Variants in MGAT5 observed in about 807,000 individuals in gnomAD.
The protein encoded by MGAT5 is alpha-1,6-mannosylglycoprotein 6-beta-N-acetylglucosaminyltransferase, also known as alpha-1,6-mannosylglycoprotein 6-beta-N-acetylglucosaminyltransferase A.
Under a neutral mutation model 94.3 loss-of-function variants are expected in MGAT5, and 30 were observed. That is an observed-to-expected ratio of 0.32 (90% CI 0.24 to 0.43). The LOEUF is 0.43. Among genes scored for constraint, MGAT5 ranks in the 20% least tolerant of loss-of-function variants. MGAT5 has a pLI of 1.00. For synonymous variants in MGAT5, 310 were observed against 322.9 expected (o/e 0.96, Z 0.43); for missense variants, 691 against 905.5 (o/e 0.76, Z 3.04).
chr2:134,294,401 G>T (rs1173558145), intron 2 of MGAT5, among the ~76,000 whole-genome samples: 1 of 152,028 alleles, frequency 6.6e-6, no homozygotes, highest in Admixed American at 6.5e-5. Context: ...CTAAGTATTC[G>T]GGGTATGATG....
intron 10 of MGAT5, among the ~76,000 whole-genome samples, chr2:134,373,329 G>C (rs1457463812): frequency 6.6e-6 from 1 of 152,186 alleles, no homozygotes; most frequent in African/African-American, 2.4e-5. Context: ...GAGGACCTGT[G>C]TGGAAGGCTG....
At chr2:134,130,706 G>A (rs1686115015) in intron 1 of MGAT5, among the ~76,000 whole-genome samples, 1 of 143,530 alleles carries the variant, frequency 7.0e-6, no homozygotes, top group South Asian at 2.2e-4. Context: ...AATGCCCTGT[G>A]TCTAGCTAAT....
At chr2:134,270,955 A>AC (rs1683989627) in intron 2 of MGAT5, among the ~76,000 whole-genome samples, 1 of 152,172 alleles carries the variant, frequency 6.6e-6, no homozygotes, top group East Asian at 1.9e-4. Context: ...CCCTGTTGTT[A>AC]AAAAAGAGCC....
chr2:134,185,474 T>C (rs1366738158), intron 1 of MGAT5, among the ~76,000 whole-genome samples: 1 of 152,220 alleles, frequency 6.6e-6, no homozygotes. Context: ...GTGGGTTATG[T>C]AAAGGCAGTG....
chr2:134,305,290 T>C (rs1273552999), intron 2 of MGAT5, among the ~76,000 whole-genome samples: 5 of 152,204 alleles, frequency 3.3e-5, no homozygotes, highest in African/African-American at 9.6e-5. Context: ...GTTAAGAGAA[T>C]AGTCGAAGCA....
chr2:134,300,440 G>A (rs540123397), intron 2 of MGAT5, among the ~76,000 whole-genome samples: 7 of 151,914 alleles, frequency 4.6e-5, no homozygotes, highest in Non-Finnish European at 7.4e-5. Flanking sequence ...GCACATGTGC[G>A]GTTAACCTTA....
At chr2:134,239,317 A>G (rs967489872) in intron 1 of MGAT5, among the ~76,000 whole-genome samples, 1 of 108,840 alleles carries the variant, frequency 9.2e-6, no homozygotes, top group Non-Finnish European at 2.4e-5. Flanking sequence ...TCTGCTCTAT[A>G]TATCTTGGGG....
At chr2:134,424,957 T>C (rs1462993846) in intron 13 of MGAT5, among the ~76,000 whole-genome samples, 2 of 152,204 alleles carry the variant, frequency 1.3e-5, no homozygotes, top group Non-Finnish European at 2.9e-5. Context: ...TGTTTACATC[T>C]ACAAAGACCC....
chr2:134,133,790 A>T (rs975805429), intron 1 of MGAT5, among the ~76,000 whole-genome samples: 2 of 152,074 alleles, frequency 1.3e-5, no homozygotes, highest in Non-Finnish European at 2.9e-5. Flanking sequence ...GCGGTTGTTG[A>T]TTGGTCGAAA....
At chr2:134,443,584 A>C (rs1291853234) in intron 15 of MGAT5, among the ~76,000 whole-genome samples, 1 of 152,202 alleles carries the variant, frequency 6.6e-6, no homozygotes, top group African/African-American at 2.4e-5. Flanking sequence ...GCATAGGTCA[A>C]AAGTGGGGGC....
chr2:134,273,725 C>T (rs1272024948), intron 2 of MGAT5, among the ~76,000 whole-genome samples: 1 of 151,954 alleles, frequency 6.6e-6, no homozygotes, highest in Non-Finnish European at 1.5e-5. Flanking sequence ...ACAAATTTAT[C>T]ACCGAGGGTT....
chr2:134,389,222 A>G (rs1465505463), intron 10 of MGAT5, among the ~76,000 whole-genome samples: 1 of 152,220 alleles, frequency 6.6e-6, no homozygotes, highest in East Asian at 1.9e-4. Context: ...CTTGCTAGTG[A>G]TAGTCTAATT....
chr2:134,257,336 C>G (rs1249982027), intron 1 of MGAT5, among the ~76,000 whole-genome samples: 1 of 152,126 alleles, frequency 6.6e-6, no homozygotes, highest in African/African-American at 2.4e-5. Context: ...GGGTTCAAGC[C>G]TCAGCCTCCA....
intron 1 of MGAT5, among the ~76,000 whole-genome samples, chr2:134,175,262 T>C (rs1234760251): frequency 6.6e-6 from 1 of 152,232 alleles, no homozygotes; most frequent in Non-Finnish European, 1.5e-5. Flanking sequence ...GTACAGAGAG[T>C]GAATAGGGCA....
At chr2:134,242,336 C>T (rs945663727) in intron 1 of MGAT5, among the ~76,000 whole-genome samples, 1 of 152,184 alleles carries the variant, frequency 6.6e-6, no homozygotes, top group African/African-American at 2.4e-5. Flanking sequence ...AAAGTAGGAC[C>T]AGTTGTCCTA....
chr2:134,193,118 A>T (rs1038046720), intron 1 of MGAT5, among the ~76,000 whole-genome samples: 8 of 139,372 alleles, frequency 5.7e-5, no homozygotes, highest in Non-Finnish European at 9.1e-5. Context: ...TTTTATTTTT[A>T]TTTTTTATTT....
chr2:134,209,141 A>AT (rs1488529353), intron 1 of MGAT5, among the ~76,000 whole-genome samples: 48 of 16,046 alleles, frequency 3.0e-3, no homozygotes, highest in Non-Finnish European at 3.8e-3. Context: ...GAACTGGCTT[A>AT]TTTTTTTTTT....
At chr2:134,231,612 G>GC (rs1278343947) in intron 1 of MGAT5, among the ~76,000 whole-genome samples, 1 of 152,154 alleles carries the variant, frequency 6.6e-6, no homozygotes, top group Non-Finnish European at 1.5e-5. Flanking sequence ...ATAATTAGTT[G>GC]CTTGATTTAT....
chr2:134,334,066 A>G (rs1404903077), intron 4 of MGAT5, among the ~76,000 whole-genome samples: 2 of 152,192 alleles, frequency 1.3e-5, no homozygotes, highest in Non-Finnish European at 2.9e-5. Context: ...CATGTATAAC[A>G]GCAAAATTTC....
Sources: allele counts gnomAD v4.1 joint callset (sites outside exome capture counted in the v4.1 genomes callset), GRCh38; gene constraint gnomAD v4.1.1; transcripts MANE v1.5; gene names NCBI Gene and HGNC (gene_info 2026-07-23, HGNC 2026-07-21).